The following GRID2 variants were observed in gnomAD, a reference collection of about 807,000 sequenced individuals.
GRID2 encodes glutamate ionotropic receptor delta type subunit 2.
In GRID2, 33 loss-of-function variants were observed where a neutral mutation model predicts 114.8. That is an observed-to-expected ratio of 0.29 (90% CI 0.22 to 0.38). The LOEUF (loss-of-function observed/expected upper bound fraction) is 0.38, where lower values mean the gene tolerates loss of function less well. GRID2 is among the 10% of genes least tolerant of loss of function. GRID2 has a pLI of 1.00. For missense variants in GRID2, 1,184 were observed against 1,257.7 expected (o/e 0.94, Z 0.89); for synonymous variants, 505 against 449.9 (o/e 1.12, Z -1.55).
At chr4:93,246,479 C>T (rs1045032256) in intron 8 of GRID2, among the ~76,000 whole-genome samples, 15 of 151,010 alleles carry the variant, frequency 9.9e-5, no homozygotes, top group East Asian at 7.8e-4. Flanking sequence ...CCCAGCTACT[C>T]GGGAGGCTGA....
intron 2 of GRID2, among the ~76,000 whole-genome samples, chr4:93,045,711 C>T (rs1726068071): frequency 6.6e-6 from 1 of 152,146 alleles, no homozygotes; most frequent in African/African-American, 2.4e-5. Flanking sequence ...TCATTTCCCA[C>T]TCCAGCGTTA....
At chr4:92,569,829 G>A (rs955825414) in intron 1 of GRID2, among the ~76,000 whole-genome samples, 1 of 151,768 alleles carries the variant, frequency 6.6e-6, no homozygotes, top group Non-Finnish European at 1.5e-5. Flanking sequence ...CTTCTTGTGA[G>A]TTTAGGTTCC....
intron 11 of GRID2, among the ~76,000 whole-genome samples, chr4:93,468,394 C>T (rs553564617): frequency 7.5e-5 from 11 of 146,260 alleles, no homozygotes; most frequent in African/African-American, 2.7e-4. Flanking sequence ...AAATAAACTA[C>T]ATATATCAGA....
chr4:92,815,978 A>C (rs1490825519), intron 2 of GRID2, among the ~76,000 whole-genome samples: 2 of 151,140 alleles, frequency 1.3e-5, no homozygotes, highest in Non-Finnish European at 2.9e-5. Flanking sequence ...AACCAACCAA[A>C]AAAAAAACCC....
At chr4:92,807,183 T>G (rs1392927561) in intron 2 of GRID2, among the ~76,000 whole-genome samples, 2 of 152,136 alleles carry the variant, frequency 1.3e-5, no homozygotes, top group Admixed American at 1.3e-4. Context: ...ATTTGATCAT[T>G]TCAACAATGT....
intron 2 of GRID2, among the ~76,000 whole-genome samples, chr4:92,746,543 G>A (rs1374431503): frequency 6.6e-6 from 1 of 151,984 alleles, no homozygotes; most frequent in African/African-American, 2.4e-5. Context: ...AAAGCAACAT[G>A]ACCATTTTGT....
intron 8 of GRID2, among the ~76,000 whole-genome samples, chr4:93,266,752 A>T (rs912649706): frequency 6.6e-6 from 1 of 152,142 alleles, no homozygotes; most frequent in African/African-American, 2.4e-5. Context: ...TTAAAAGGGG[A>T]TCTCTTTCCT....
chr4:93,230,149 T>TGC (rs1164907168), intron 7 of GRID2, among the ~76,000 whole-genome samples: 7 of 34,338 alleles, frequency 2.0e-4, no homozygotes, highest in Non-Finnish European at 4.5e-4. Context: ...TGTGTATGCG[T>TGC]GTGTGTGTGT....
At chr4:93,010,243 C>T (rs181326040) in intron 2 of GRID2, among the ~76,000 whole-genome samples, 202 of 152,066 alleles carry the variant, frequency 1.3e-3, no homozygotes, top group Non-Finnish European at 1.6e-3. Context: ...CAGTTTCATT[C>T]CACCATCTTT....
chr4:92,876,487 G>T (rs574537256), intron 2 of GRID2, among the ~76,000 whole-genome samples: 1 of 151,992 alleles, frequency 6.6e-6, no homozygotes, highest in African/African-American at 2.4e-5. Context: ...TGTATTTTTA[G>T]TAAAGACGGG....
chr4:93,550,236 A>T (rs1215816484), intron 13 of GRID2, among the ~76,000 whole-genome samples: 1 of 152,070 alleles, frequency 6.6e-6, no homozygotes, highest in African/African-American at 2.4e-5. Context: ...TGCCAGCCAC[A>T]CCTGGCTTTT....
chr4:93,368,924 T>C (rs1762602894), intron 8 of GRID2, among the ~76,000 whole-genome samples: 1 of 151,718 alleles, frequency 6.6e-6, no homozygotes, highest in Non-Finnish European at 1.5e-5. Context: ...AGAGAGAAAG[T>C]TTTAGTTATT....
At chr4:93,177,840 A>G (rs1212976218) in intron 4 of GRID2, among the ~76,000 whole-genome samples, 1 of 152,136 alleles carries the variant, frequency 6.6e-6, no homozygotes, top group African/African-American at 2.4e-5. Flanking sequence ...AACTGCAAAC[A>G]TTTTATAAGT....
At chr4:92,503,846 A>G (rs1207227913) in intron 1 of GRID2, among the ~76,000 whole-genome samples, 2 of 152,172 alleles carry the variant, frequency 1.3e-5, no homozygotes, top group Non-Finnish European at 2.9e-5. Context: ...TTATAGAATA[A>G]TCATGAATAT....
In GRID2 at chr4:92,564,181, T is replaced by C. The variant is rs577682724; in HGVS notation, c.89-25950T>C. 3.9e-4 allele frequency among the ~76,000 whole-genome samples: 59 copies of C among 152,166 alleles called. No homozygotes were observed. In the South Asian group the frequency reaches 0.012, roughly 30 times the overall value. On this transcript the variant is annotated intron_variant, in intron 1 of 15. Coordinates refer to ENST00000282020, the MANE Select transcript of GRID2 (RefSeq NM_001510.4). ...AAGAAATTATGTCTGTGGTATTTAA[T>C]ACTTAGGTTTCATCCATATGGGGAA...
intron 1 of GRID2, among the ~76,000 whole-genome samples, chr4:92,390,786 C>T (rs958059926): frequency 2.6e-5 from 4 of 152,000 alleles, no homozygotes; most frequent in African/African-American, 9.7e-5. Context: ...ACCTTTTATT[C>T]CTAGCTCTTA....
intron 2 of GRID2, among the ~76,000 whole-genome samples, chr4:92,652,362 A>G (rs1268466771): frequency 6.6e-6 from 1 of 152,014 alleles, no homozygotes; most frequent in East Asian, 1.9e-4. Flanking sequence ...CATAAAATTA[A>G]CCATCACAGT....
At chr4:93,368,968 T>C (rs1762607738) in intron 8 of GRID2, among the ~76,000 whole-genome samples, 1 of 152,226 alleles carries the variant, frequency 6.6e-6, no homozygotes, top group Admixed American at 6.5e-5. Flanking sequence ...ACCTTAAATG[T>C]GCACTATTTT....
At chr4:92,953,917 A>G (rs62311176) in intron 2 of GRID2, among the ~76,000 whole-genome samples, 1,710 of 152,236 alleles carry the variant, frequency 0.011, 22 homozygotes, top group Non-Finnish European at 0.014. Flanking sequence ...CTCAAATATC[A>G]TATTGGAATA....
Sources: allele counts gnomAD v4.1 joint callset (sites outside exome capture counted in the v4.1 genomes callset), GRCh38; gene constraint gnomAD v4.1.1; transcripts MANE v1.5; gene names NCBI Gene and HGNC (gene_info 2026-07-23, HGNC 2026-07-21).